KCNQ3: variants seen among roughly 807,000 people sequenced by gnomAD.
KCNQ3 encodes potassium voltage-gated channel subfamily KQT member 3.
KCNQ3 carries 30 observed loss-of-function variants against 92.5 expected under a neutral mutation model. The ratio of observed to expected loss-of-function variants is 0.32; its 90% confidence interval spans 0.24 to 0.44. KCNQ3 has a LOEUF of 0.44. Among genes scored for constraint, KCNQ3 ranks in the 20% least tolerant of loss-of-function variants. The probability of loss-of-function intolerance (pLI) is 1.00; values close to 1 mark genes in which losing one functional copy is unlikely to be tolerated. For synonymous variants in KCNQ3, 450 were observed against 468.8 expected (o/e 0.96, Z 0.52); for missense variants, 913 against 1,140.3 (o/e 0.80, Z 2.87).
chr8:132,133,293 G>T (rs925455121), intron 13 of KCNQ3, among the ~76,000 whole-genome samples: 1 of 151,036 alleles, frequency 6.6e-6, no homozygotes, highest in Non-Finnish European at 1.5e-5. Context: ...CTATCCCCAG[G>T]ACTGAGGTTA....
At chr8:132,278,751 T>C (rs1030777565) in intron 1 of KCNQ3, among the ~76,000 whole-genome samples, 4 of 152,158 alleles carry the variant, frequency 2.6e-5, no homozygotes, top group Non-Finnish European at 4.4e-5. Context: ...AACAGAAGGT[T>C]CCTATGCACA....
intron 1 of KCNQ3, among the ~76,000 whole-genome samples, chr8:132,389,862 G>C (rs1820002873): frequency 6.6e-6 from 1 of 152,174 alleles, no homozygotes; most frequent in South Asian, 2.1e-4. Context: ...AAAACACCTA[G>C]ACATTATGTA....
chr8:132,477,957 G>A (rs1177507995), intron 1 of KCNQ3, among the ~76,000 whole-genome samples: 1 of 152,156 alleles, frequency 6.6e-6, no homozygotes, highest in East Asian at 1.9e-4. Context: ...CTGTGTGATC[G>A]CGGACAAGTG....
At chr8:132,183,869 A>T (rs568022397) in intron 3 of KCNQ3, among the ~76,000 whole-genome samples, 27 of 152,286 alleles carry the variant, frequency 1.8e-4, no homozygotes, top group Non-Finnish European at 3.2e-4. Context: ...TTCTGTCCCA[A>T]CCCGTCTGGA....
At chr8:132,144,421 T>G (rs1314412126) in intron 9 of KCNQ3, among the ~76,000 whole-genome samples, 1 of 152,220 alleles carries the variant, frequency 6.6e-6, no homozygotes, top group African/African-American at 2.4e-5. Flanking sequence ...CTACGCTGTA[T>G]GGATTTCCAG....
chr8:132,198,535 C>G (rs1400960413), intron 1 of KCNQ3, among the ~76,000 whole-genome samples: 1 of 152,150 alleles, frequency 6.6e-6, no homozygotes, highest in Non-Finnish European at 1.5e-5. Flanking sequence ...AACGGCTGAG[C>G]ACAGTGGCTC....
In KCNQ3 at chr8:132,128,599, C is replaced by T. The variant is rs958828040; in HGVS notation, c.*663G>A. ...AGAAATGCTACACTTGGGATTACCA[C>T]CACTTTTTACAGATAAGGAAACTGA... On this transcript the variant is annotated 3_prime_UTR_variant, in exon 15 of 15. Coordinates refer to ENST00000388996, the MANE Select transcript of KCNQ3 (RefSeq NM_004519.4). 2.6e-5 allele frequency: 4 copies of T among 152,602 alleles called. No individual in the cohort carries two copies. The highest frequency in any genetic ancestry group is 9.7e-5 in the African/African-American group (4 of 41,206). 9.5% of individuals were successfully genotyped at this position (152,602 alleles called of 1,614,324 possible). A position where few individuals can be genotyped will look rare whatever the true frequency, so the allele number is the denominator to read the frequency against.
At chr8:132,404,989 G>C (rs2597339) in intron 1 of KCNQ3, among the ~76,000 whole-genome samples, 86,405 of 152,012 alleles carry the variant, frequency 0.57, 26,005 homozygotes, top group South Asian at 0.73. Flanking sequence ...ACAAAGCAAG[G>C]GTCTTGCTGT....
At chr8:132,216,706 T>A (rs953971754) in intron 1 of KCNQ3, among the ~76,000 whole-genome samples, 5 of 152,186 alleles carry the variant, frequency 3.3e-5, no homozygotes, top group African/African-American at 4.8e-5. Context: ...TTGGAGGGGC[T>A]GCACAGAGGG....
Position 132,257,756 on chromosome 8 carries a change from A to T in KCNQ3, c.387-71575T>A, listed in dbSNP as rs1268104856. On this transcript the variant is annotated intron_variant, in intron 1 of 14. Transcript: ENST00000388996. ...GTGAGACTCCAGCTCAAAAAAAAAA[A>T]AAAAAAAAAAGAGAGAGAGAGACAG... Among the ~76,000 whole-genome samples, 4 of 150,242 alleles carry T rather than the reference A, an allele frequency of 2.7e-5. No individual in the cohort carries two copies. The East Asian group carries it at 7.9e-4, about 30-fold the overall frequency.
rs1465497382 is a variant in KCNQ3, at chr8:132,186,197, G to A, written c.387-16C>T. On this transcript the variant is annotated splice_polypyrimidine_tract_variant and intron_variant, in intron 1 of 14. Transcript: ENST00000388996. Reference sequence around the variant, plus strand: ...AATCAGGAACCTAGAGGGGAAGAAAGAAATGGACTAAGGAACCTTTGAGTC... The same window carrying A: ...AATCAGGAACCTAGAGGGGAAGAAAAAAATGGACTAAGGAACCTTTGAGTC... The A allele has an allele frequency of 6.3e-7, 1 of 1,584,674 alleles. No homozygotes were observed. Among genetic ancestry groups the A allele is most frequent in the Non-Finnish European group, 8.7e-7 (1 of 1,153,370 alleles).
intron 1 of KCNQ3, among the ~76,000 whole-genome samples, chr8:132,238,037 A>G (rs1320753294): frequency 1.3e-5 from 2 of 152,202 alleles, no homozygotes; most frequent in African/African-American, 2.4e-5. Context: ...AAGCACAGAT[A>G]AGACAGCTCT....
intron 1 of KCNQ3, among the ~76,000 whole-genome samples, chr8:132,339,630 A>T (rs1167239035): frequency 6.6e-6 from 1 of 152,146 alleles, no homozygotes; most frequent in Non-Finnish European, 1.5e-5. Flanking sequence ...TATTGCTTGA[A>T]CCAAGGAGGC....
At chr8:132,205,129 T>C (rs1813616300) in intron 1 of KCNQ3, among the ~76,000 whole-genome samples, 1 of 152,314 alleles carries the variant, frequency 6.6e-6, no homozygotes. Context: ...GAGCTTGTCA[T>C]AGGACACATT....
chr8:132,399,360 C>A (rs2673604), intron 1 of KCNQ3, among the ~76,000 whole-genome samples: 94,725 of 151,922 alleles, frequency 0.62, 30,553 homozygotes, highest in South Asian at 0.73. Context: ...GACAAGCAAC[C>A]AGCTGCCTGT....
chr8:132,319,489 C>G (rs77783511), intron 1 of KCNQ3, among the ~76,000 whole-genome samples: 9 of 152,138 alleles, frequency 5.9e-5, no homozygotes, highest in Non-Finnish European at 8.8e-5. Flanking sequence ...AACACGCAGG[C>G]GCCTTTAGAA....
At chr8:132,163,326 T>C (rs1288711524) in intron 9 of KCNQ3, 142 bp downstream of exon 9, 1 of 762,710 alleles carries the variant, frequency 1.3e-6, no homozygotes, top group African/African-American at 1.7e-5. Flanking sequence ...GGCAGAGGAC[T>C]ATGGTGGTCA....
At chr8:132,155,266 A>G (rs1825768629) in intron 9 of KCNQ3, among the ~76,000 whole-genome samples, 1 of 152,194 alleles carries the variant, frequency 6.6e-6, no homozygotes, top group African/African-American at 2.4e-5. Context: ...CAGAGCTCTT[A>G]ATGCTCAGTG....
At chr8:132,358,824 A>C (rs895765685) in intron 1 of KCNQ3, among the ~76,000 whole-genome samples, 1 of 152,168 alleles carries the variant, frequency 6.6e-6, no homozygotes, top group Non-Finnish European at 1.5e-5. Context: ...CAATACTTTC[A>C]ATGCATTCTC....
Sources: allele counts gnomAD v4.1 joint callset (sites outside exome capture counted in the v4.1 genomes callset), GRCh38; gene constraint gnomAD v4.1.1; transcripts MANE v1.5; gene names NCBI Gene and HGNC (gene_info 2026-07-23, HGNC 2026-07-21).